VWF: variants seen among roughly 807,000 people sequenced by gnomAD.
VWF encodes Factor VIII related antigen.
A neutral mutation model predicts 308.6 loss-of-function variants in VWF; 176 were observed. The observed-to-expected ratio is 0.57, with a 90% CI of 0.50 to 0.65. VWF has a LOEUF of 0.65. Among genes scored for constraint, VWF ranks in the 30% least tolerant of loss-of-function variants. The pLI, the probability that VWF is intolerant of heterozygous loss-of-function variation, is 0.00. For synonymous variants in VWF, 1,385 were observed against 1,443.4 expected, an observed-to-expected ratio of 0.96 and a Z score of 0.92; for missense variants, 3,146 against 3,648.2, an observed-to-expected ratio of 0.86 and a Z score of 3.55.
chr12:5,984,273 T>C (rs1473488827), intron 40 of VWF, among the ~76,000 whole-genome samples: 1 of 152,224 alleles, frequency 6.6e-6, no homozygotes, highest in Non-Finnish European at 1.5e-5. Context: ...ATCCCTCTAG[T>C]TCTCTCTACT....
chr12:5,974,023 T>TGGGGAAAGTG (rs1010305535), intron 43 of VWF, among the ~76,000 whole-genome samples: 13 of 152,104 alleles, frequency 8.5e-5, no homozygotes, highest in Admixed American at 5.9e-4. Context: ...TGGAGGAGCT[T>TGGGGAAAGTG]GGGGAAAGTG....
At chr12:6,113,366 C>G (rs1430569102) in intron 3 of VWF, among the ~76,000 whole-genome samples, 1 of 150,390 alleles carries the variant, frequency 6.6e-6, no homozygotes, top group East Asian at 2.0e-4. Flanking sequence ...GGCGCGATCT[C>G]GGCTCACTGC....
At chr12:6,003,301 T>G (rs1235653978) in intron 34 of VWF, among the ~76,000 whole-genome samples, 4 of 152,202 alleles carry the variant, frequency 2.6e-5, no homozygotes, top group Non-Finnish European at 5.9e-5. Context: ...TGTATAAAGA[T>G]GTAATGTTTA....
intron 2 of VWF, among the ~76,000 whole-genome samples, chr12:6,121,953 AG>A (rs2136536351): frequency 6.6e-6 from 1 of 152,246 alleles, no homozygotes; most frequent in Admixed American, 6.5e-5. Context: ...AAAAAGAAAA[AG>A]AAAAGAAAAG....
In VWF at chr12:5,994,173, A is replaced by T. The variant is rs762847913; in HGVS notation, c.6287T>A (p.Phe2096Tyr). 7 of 1,614,042 alleles carry T rather than the reference A, an allele frequency of 4.3e-6. No individual in the cohort carries two copies. The highest frequency in any genetic ancestry group is 3.3e-5 in the Admixed American group (2 of 60,000). The change falls in exon 37 of 52, where the codon TTC (phenylalanine) becomes TAC (tyrosine). Residue 2096 changes from phenylalanine (F) to tyrosine (Y), a missense_variant. Transcript: ENST00000261405. ...GICDENGAND[F>Y]MLRDGTVTTD... ...GGTGACTGTGCCATCCCTCAGCATGAAGTCATTGGCTCCGTTCTCATCACA... is the reference window on the plus strand; with the variant it reads ...GGTGACTGTGCCATCCCTCAGCATGTAGTCATTGGCTCCGTTCTCATCACA...
chr12:6,084,359 A>C (rs1158416552), intron 6 of VWF, among the ~76,000 whole-genome samples: 1 of 151,836 alleles, frequency 6.6e-6, no homozygotes, highest in African/African-American at 2.4e-5. Context: ...TCTTCTTTCA[A>C]CTCCTGTCGG....
intron 10 of VWF, among the ~76,000 whole-genome samples, chr12:6,069,697 G>A (rs1013701715): frequency 2.0e-5 from 3 of 152,224 alleles, no homozygotes; most frequent in African/African-American, 7.2e-5. Context: ...AGAGAAGAGC[G>A]TAGTGGTTTT....
intron 43 of VWF, among the ~76,000 whole-genome samples, chr12:5,973,146 C>T (rs941624254): frequency 1.3e-5 from 2 of 152,182 alleles, no homozygotes; most frequent in African/African-American, 4.8e-5. Flanking sequence ...CCCCTCCATA[C>T]CCCACAGCAA....
rs1222161508 is a variant in VWF, at chr12:6,036,257, G to A, written c.2546+131C>T. On this transcript the variant is annotated intron_variant, in intron 19 of 51. Coordinates refer to ENST00000261405, the MANE Select transcript of VWF (RefSeq NM_000552.5). ...TTTACAGATGGAGAAACACAGGCAC[G>A]GAGGAAAGGCAGAGAGTAACCAGGT... 4.5e-5 allele frequency: 34 copies of A among 759,486 alleles called. 1 individual carries two copies. The highest frequency in any genetic ancestry group is 1.8e-4 in the East Asian group (7 of 37,970). The allele number at this position is 759,486 out of a possible 1,614,324, so 47.0% of individuals were successfully genotyped here.
intron 17 of VWF, among the ~76,000 whole-genome samples, chr12:6,045,237 C>G (rs1272646716): frequency 2.0e-5 from 3 of 152,202 alleles, no homozygotes; most frequent in African/African-American, 7.2e-5. Flanking sequence ...CTTTCCAAAG[C>G]CCAGGTGCAC....
chr12:5,988,647 G>A (rs1248793047), intron 38 of VWF, among the ~76,000 whole-genome samples: 4 of 152,156 alleles, frequency 2.6e-5, no homozygotes, highest in Admixed American at 6.5e-5. Context: ...CCAAGGCAGG[G>A]AAAAGAATAA....
intron 38 of VWF, among the ~76,000 whole-genome samples, chr12:5,991,077 T>C (rs146332313): frequency 6.7e-6 from 1 of 149,958 alleles, no homozygotes; most frequent in East Asian, 1.9e-4. Flanking sequence ...CTGAGCTCTT[T>C]AGGTCTTAGT....
At position 6,063,690 on chromosome 12, in the gene VWF, C is replaced by T. The variant is rs1785118598; in HGVS notation, c.1432+556G>A. Reference sequence around the variant, plus strand: ...AGAAGAAGGAAGAGTCTGAGAGCCACTTTGAGTGTGAAGTTTGGGAGCTTT... The same window carrying T: ...AGAAGAAGGAAGAGTCTGAGAGCCATTTTGAGTGTGAAGTTTGGGAGCTTT... On this transcript the variant is annotated intron_variant, in intron 12 of 51. Coordinates refer to ENST00000261405, the MANE Select transcript of VWF (RefSeq NM_000552.5). The surrounding 1 kb of genome is among the most constrained non-coding windows in gnomAD (Gnocchi z 4.9). 6.6e-6 allele frequency among the ~76,000 whole-genome samples: 1 copy of T among 152,196 alleles called. No homozygotes were observed. Among genetic ancestry groups the T allele is most frequent in the African/African-American group, 2.4e-5 (1 of 41,436 alleles).
intron 34 of VWF, among the ~76,000 whole-genome samples, chr12:5,999,089 G>C (rs1943844494): frequency 6.6e-6 from 1 of 152,126 alleles, no homozygotes; most frequent in South Asian, 2.1e-4. Flanking sequence ...ATCCCACCCA[G>C]CAAAAATCCC....
chr12:5,967,515 T>G lies in VWF; in HGVS notation c.7858A>C (p.Arg2620=), dbSNP rs1316145511. 1 of 1,614,174 alleles carries G rather than the reference T, an allele frequency of 6.2e-7. No homozygotes were observed. Among genetic ancestry groups the G allele is most frequent in the Admixed American group, 1.7e-5 (1 of 60,028 alleles). Residue 2620 remains arginine, a synonymous_variant, in exon 47 of 52, where the codon AGG becomes CGG. Transcript: ENST00000261405. The part of the protein sequence containing the change: ...GVISGFKLEC[R]KTTCNPCPLG... Reference sequence around the variant, plus strand: ...GGGCAGGGGTTGCAGGTGGTCTTCCTGCACTCCAGCTTGAATCCAGAGATG... The same window carrying G: ...GGGCAGGGGTTGCAGGTGGTCTTCCGGCACTCCAGCTTGAATCCAGAGATG...
chr12:6,024,049 A>G lies in VWF; in HGVS notation c.3223-262T>C, dbSNP rs941667708. Among the ~76,000 whole-genome samples the G allele has an allele frequency of 6.6e-6, 1 of 152,222 alleles. No homozygotes were observed. Among genetic ancestry groups the G allele is most frequent in the African/African-American group, 2.4e-5 (1 of 41,450 alleles). On this transcript the variant is annotated intron_variant, in intron 24 of 51. Coordinates refer to ENST00000261405, the MANE Select transcript of VWF (RefSeq NM_000552.5). This position sits in a 1 kb window ranked among gnomAD's most constrained non-coding sequence, Gnocchi z 4.0. Reference sequence around the variant, plus strand: ...CACAATGAGCCTGAGGATTTTCCAGAAGAACATTCCCTCTGTCCCTCTGCC... The same window carrying G: ...CACAATGAGCCTGAGGATTTTCCAGGAGAACATTCCCTCTGTCCCTCTGCC...
intron 5 of VWF, among the ~76,000 whole-genome samples, chr12:6,101,402 G>A (rs1049808049): frequency 4.6e-5 from 7 of 150,774 alleles, no homozygotes; most frequent in African/African-American, 9.8e-5. Flanking sequence ...CCAAGCAAAC[G>A]ACCTAAAAAA....
intron 24 of VWF, among the ~76,000 whole-genome samples, chr12:6,025,022 CAA>C (rs34547698): frequency 1.9e-3 from 233 of 119,618 alleles, no homozygotes; most frequent in Middle Eastern, 4.0e-3. Flanking sequence ...GACTCTGTCT[CAA>C]AAAAAAAAAA....
chr12:5,951,449 T>C (rs571050662), intron 50 of VWF, among the ~76,000 whole-genome samples: 25 of 152,320 alleles, frequency 1.6e-4, no homozygotes, highest in African/African-American at 5.3e-4. Context: ...GTCAGGATCA[T>C]AGATCCAAGG....
Sources: gnomAD v4.1 joint callset for allele counts (sites outside exome capture counted in the v4.1 genomes callset) on GRCh38, gnomAD v4.1.1 for gene constraint, Gnocchi (gnomAD v3.1) non-coding constraint, MANE v1.5 for transcripts, NCBI Gene and HGNC (gene_info 2026-07-23, HGNC 2026-07-21) for gene names.